Variants in DYNC2I1 observed in about 807,000 individuals in gnomAD.
DYNC2I1 encodes dynein 2 intermediate chain 1.
A neutral mutation model predicts 133.4 loss-of-function variants in DYNC2I1; 89 were observed. That is an observed-to-expected ratio of 0.67 (90% CI 0.56 to 0.80). DYNC2I1 has a LOEUF of 0.80. DYNC2I1 is among the 30% of genes least tolerant of loss of function. The probability of loss-of-function intolerance (pLI) is 0.00; values close to 1 mark genes in which losing one functional copy is unlikely to be tolerated. For synonymous variants in DYNC2I1, 504 were observed against 484.3 expected, an observed-to-expected ratio of 1.04 and a Z score of -0.54; for missense variants, 1,291 against 1,314.5, an observed-to-expected ratio of 0.98 and a Z score of 0.28.
intron 5 of DYNC2I1, 114 bp downstream of exon 5, chr7:158,880,103 T>G: frequency 8.0e-7 from 1 of 1,253,018 alleles, no homozygotes; most frequent in Admixed American, 2.6e-5. Flanking sequence ...CTAGTAGTAG[T>G]AATTTAGGAA....
rs201082150 is a variant in DYNC2I1, at chr7:158,934,762, TA to T, written c.2778+214del. Among the ~76,000 whole-genome samples, 8 of 152,244 alleles carry T rather than the reference TA, an allele frequency of 5.3e-5. No individual in the cohort carries two copies. In the East Asian group the frequency reaches 1.5e-3, roughly 29 times the overall value. ...CTATGCCTGGCTAATTTAAAAAATG[TA>T]TTTTTTTGTAGAGACGAGGTCTCCC... On this transcript the variant is annotated intron_variant, in intron 23 of 24. Transcript: ENST00000407559.
At chr7:158,895,035 C>G (rs1404572966) in intron 8 of DYNC2I1, among the ~76,000 whole-genome samples, 4 of 152,118 alleles carry the variant, frequency 2.6e-5, no homozygotes, top group African/African-American at 9.7e-5. Context: ...TAAGAGTTCT[C>G]TGTGTGTTTT....
chr7:158,854,979 C>G (rs1841140781), upstream of DYNC2I1, among the ~76,000 whole-genome samples: 1 of 152,180 alleles, frequency 6.6e-6, no homozygotes, highest in Non-Finnish European at 1.5e-5. Context: ...GCCTGGCTGG[C>G]AGGAGCCTTG....
chr7:158,916,297 G>C lies in DYNC2I1; in HGVS notation c.1791+1976G>C, dbSNP rs377245687. The stretch of plus-strand genomic sequence containing the variant: ...AGGATGATTGTGAAACCTCGACACG[G>C]TGGTTGAGATTAAGGATGATTGTGA... On this transcript the variant is annotated intron_variant, in intron 14 of 24. Coordinates refer to ENST00000407559, the MANE Select transcript of DYNC2I1 (RefSeq NM_018051.5). Among the ~76,000 whole-genome samples, 60 of 92,272 alleles carry C rather than the reference G, an allele frequency of 6.5e-4. No individual in the cohort carries two copies. The East Asian group carries it at 0.011, about 18-fold the overall frequency. The allele number at this position is 92,272 out of a possible 152,430, so 60.5% of individuals were successfully genotyped here. A position where few individuals can be genotyped will look rare whatever the true frequency, so the allele number is the denominator to read the frequency against.
rs774660510 is a variant in DYNC2I1, at chr7:158,879,682, A to T, written c.574-2A>T. 3.8e-6 allele frequency: 6 copies of T among 1,566,124 alleles called. No individual in the cohort carries two copies. In the African/African-American group the frequency reaches 8.3e-5, roughly 22 times the overall value. Reference sequence around the variant, plus strand: ...TGTTTCTCAGCTTGTCGTGTTTTACAGCTGCAGTACGGAGACAGCAAGGAC... The same window carrying T: ...TGTTTCTCAGCTTGTCGTGTTTTACTGCTGCAGTACGGAGACAGCAAGGAC... On this transcript the variant is annotated splice_acceptor_variant, in intron 4 of 24. Transcript: ENST00000407559. LOFTEE classifies it high-confidence loss of function.
rs181054042 is a variant in DYNC2I1, at chr7:158,861,247, T to C, written c.15+4497T>C. The stretch of plus-strand genomic sequence containing the variant: ...ATTCAGGAGTGTCTTTGAAAAGATA[T>C]CAGAAAGGACAGGATGGCCTCTGTT... On this transcript the variant is annotated intron_variant, in intron 1 of 24. Coordinates refer to ENST00000407559, the MANE Select transcript of DYNC2I1 (RefSeq NM_018051.5). Among the ~76,000 whole-genome samples the C allele has an allele frequency of 6.4e-3, 970 of 152,314 alleles. 6 individuals carry two copies. Among genetic ancestry groups the C allele is most frequent in the Non-Finnish European group, 0.011 (734 of 68,028 alleles).
chr7:158,944,335 G>A (rs888122079), intron 24 of DYNC2I1, among the ~76,000 whole-genome samples: 1 of 151,974 alleles, frequency 6.6e-6, no homozygotes, highest in Non-Finnish European at 1.5e-5. Flanking sequence ...AGAGCTGACG[G>A]GTGCTAGTAC....
chr7:158,880,311 TG>T (rs1339420381), intron 5 of DYNC2I1, among the ~76,000 whole-genome samples: 1 of 152,068 alleles, frequency 6.6e-6, no homozygotes, highest in Non-Finnish European at 1.5e-5. Flanking sequence ...CCGAGGTGGG[TG>T]GATCACCTGA....
chr7:158,944,207 A>G (rs536844730), intron 24 of DYNC2I1, among the ~76,000 whole-genome samples: 46 of 152,296 alleles, frequency 3.0e-4, no homozygotes, highest in African/African-American at 1.1e-3. Flanking sequence ...CCTCAGGGCC[A>G]GCACGGGAGG....
intron 7 of DYNC2I1, among the ~76,000 whole-genome samples, chr7:158,890,736 G>T (rs537992509): frequency 6.6e-6 from 1 of 152,160 alleles, no homozygotes; most frequent in South Asian, 2.1e-4. Context: ...ACCATGCCTG[G>T]CTAATTTTTT....
intron 23 of DYNC2I1, among the ~76,000 whole-genome samples, chr7:158,936,115 C>T (rs1399107170): frequency 6.6e-6 from 1 of 152,118 alleles, no homozygotes; most frequent in East Asian, 1.9e-4. Flanking sequence ...CGCTTTAACC[C>T]AGGAGTCAGA....
At chr7:158,894,201 A>T (rs1027985883) in intron 8 of DYNC2I1, among the ~76,000 whole-genome samples, 3 of 152,054 alleles carry the variant, frequency 2.0e-5, no homozygotes, top group Non-Finnish European at 4.4e-5. Flanking sequence ...TACATATCAT[A>T]CCGTATATCA....
intron 10 of DYNC2I1, 100 bp from the exon 11 acceptor site, chr7:158,905,889 T>C (rs1846754517): frequency 1.1e-5 from 9 of 832,026 alleles, no homozygotes; most frequent in Non-Finnish European, 1.7e-5. Context: ...TTATTGACTA[T>C]AATTGTTATA....
chr7:158,846,412 C>T, the DYNC2I1 span, among the ~76,000 whole-genome samples: 27 of 151,734 alleles, frequency 1.8e-4, 2 homozygotes, highest in South Asian at 4.8e-3. Context: ...AATTTTTGTC[C>T]TAAAATAAAA....
intron 6 of DYNC2I1, 73 bp downstream of exon 6, chr7:158,884,692 T>G: frequency 6.6e-7 from 1 of 1,520,434 alleles, no homozygotes; most frequent in Non-Finnish European, 9.0e-7. Context: ...AATTTTCTTA[T>G]TGGCTCCGAT....
At chr7:158,923,925 A>C (rs1469432642) in intron 17 of DYNC2I1, among the ~76,000 whole-genome samples, 192 bp downstream of exon 17, 1 of 152,256 alleles carries the variant, frequency 6.6e-6, no homozygotes, top group Non-Finnish European at 1.5e-5. Context: ...TCCAGTGACC[A>C]AGAATGACTT....
In DYNC2I1 at chr7:158,941,961, C is replaced by A. The variant is rs1399234475; in HGVS notation, c.2815C>A (p.Leu939Met). ...GGACGGAAGCATCAGGCTGCACCAG[C>A]TGAGCTCCGCGTTTCCGCTCCTGCA... ...CSDGSIRLHQ[L>M]SSAFPLLQWD... The change falls in exon 24 of 25, where the codon CTG (leucine) becomes ATG (methionine). Residue 939 changes from leucine to methionine, a missense_variant. Coordinates refer to ENST00000407559, the MANE Select transcript of DYNC2I1 (RefSeq NM_018051.5). 6.2e-7 allele frequency: 1 copy of A among 1,611,214 alleles called. No homozygotes were observed. The highest frequency in any genetic ancestry group is 1.3e-5 in the African/African-American group (1 of 74,918).
rs933003269 is a variant in DYNC2I1, at chr7:158,941,198, A to G, written c.2779-727A>G. Among the ~76,000 whole-genome samples the G allele has an allele frequency of 1.3e-4, 20 of 152,372 alleles. 1 individual carries two copies. The highest frequency in any genetic ancestry group is 3.8e-4 in the African/African-American group (16 of 41,590). Reference sequence around the variant, plus strand: ...TCATTAGAGACTATTATGAACATCTATAAGCCAACAAATTGGAAAACAAAT... The same window carrying G: ...TCATTAGAGACTATTATGAACATCTGTAAGCCAACAAATTGGAAAACAAAT... On this transcript the variant is annotated intron_variant, in intron 23 of 24. Coordinates refer to ENST00000407559, the MANE Select transcript of DYNC2I1 (RefSeq NM_018051.5).
At chr7:158,943,473 G>A (rs753659562) in intron 24 of DYNC2I1, among the ~76,000 whole-genome samples, 30 of 152,182 alleles carry the variant, frequency 2.0e-4, no homozygotes, top group Admixed American at 1.9e-3. Context: ...AAGAGGTCAC[G>A]AGCGTGGGTC....
Sources: gnomAD v4.1 joint callset for allele counts (sites outside exome capture counted in the v4.1 genomes callset) on GRCh38, gnomAD v4.1.1 for gene constraint, MANE v1.5 for transcripts, NCBI Gene and HGNC (gene_info 2026-07-23, HGNC 2026-07-21) for gene names.